The following PPAN variants were observed in gnomAD, a reference collection of about 807,000 sequenced individuals.
The protein encoded by PPAN is suppressor of SWI4 1 homolog.
Under a neutral mutation model 48.5 loss-of-function variants are expected in PPAN, and 39 were observed. The observed-to-expected ratio is 0.80, with a 90% confidence interval of 0.62 to 1.05. The LOEUF (loss-of-function observed/expected upper bound fraction) is 1.05. Among genes scored for constraint, PPAN ranks in the 50% least tolerant of loss-of-function variants. The pLI, the probability that PPAN is intolerant of heterozygous loss-of-function variation, is 0.00. For synonymous variants in PPAN, 315 were observed against 268.6 expected (o/e 1.17, Z -1.69); for missense variants, 736 against 661.7 (o/e 1.11, Z -1.23).
intron 2 of PPAN, among the ~76,000 whole-genome samples, chr19:10,107,299 A>G (rs772603772): frequency 1.3e-5 from 2 of 152,198 alleles, no homozygotes; most frequent in Non-Finnish European, 2.9e-5. Flanking sequence ...TCATTTGTCA[A>G]TGGGAAGATG....
Position 10,111,768 on chromosome 19 carries a change from TG to T in PPAN, c.*608del. 6.2e-7 allele frequency: 1 copy of T among 1,612,678 alleles called. No homozygotes were observed. Among genetic ancestry groups the T allele is most frequent in the Non-Finnish European group, 8.5e-7 (1 of 1,179,456 alleles). ...AAGGAGAAGGCATGTTGGCTGTCTC[TG>T]GGGGTCTGCAGATTGTCAGGAGGTG... is the stretch of plus-strand genomic sequence containing the variant. On this transcript the variant is annotated 3_prime_UTR_variant, in exon 12 of 12. Coordinates refer to ENST00000253107, the MANE Select transcript of PPAN (RefSeq NM_020230.7).
At chr19:10,109,565 A>G in intron 5 of PPAN, 66 bp from the exon 6 acceptor site, 1 of 1,515,520 alleles carries the variant, frequency 6.6e-7, no homozygotes, top group South Asian at 1.2e-5. Context: ...TGTATCCCCC[A>G]AAGCCCCCAC....
chr19:10,110,420 G>A lies in PPAN; in HGVS notation c.901+18G>A, dbSNP rs772125522. The A allele has an allele frequency of 2.4e-5, 38 of 1,612,270 alleles. No individual in the cohort carries two copies. The highest frequency in any genetic ancestry group is 1.6e-4 in the Middle Eastern group (1 of 6,084). On this transcript the variant is annotated intron_variant, in intron 9 of 11. Coordinates refer to ENST00000253107, the MANE Select transcript of PPAN (RefSeq NM_020230.7). The surrounding 1 kb of genome is among the most constrained non-coding windows in gnomAD (Gnocchi z 5.9). ...CAGTTTTGGTGAGGCCGGGGCCGCC[G>A]GGGGTGGGGGGTCATGGGTGTGGAG... is the stretch of plus-strand genomic sequence containing the variant.
Position 10,109,983 on chromosome 19 carries a change from A to T in PPAN, c.661A>T (p.Met221Leu), listed in dbSNP as rs759929102. 2 of 1,613,988 alleles carry T rather than the reference A, an allele frequency of 1.2e-6. No individual in the cohort carries two copies. The highest frequency in any genetic ancestry group is 1.7e-5 in the Admixed American group (1 of 60,028). ...GCTGCTCCAGGAGAAGTTCCCCAAC[A>T]TGAGCCGCCTGCAGGACATCAGCGA... ...KKLLQEKFPN[M>L]SRLQDISELL... is the part of the protein sequence containing the mutation. Residue 221 changes from methionine (M) to leucine (L), a missense_variant, in exon 7 of 12, where the codon ATG (methionine) becomes TTG (leucine). Coordinates refer to ENST00000253107, the MANE Select transcript of PPAN (RefSeq NM_020230.7).
chr19:10,109,457 C>T (rs1010320573), intron 5 of PPAN, among the ~76,000 whole-genome samples, 174 bp from the exon 6 acceptor site: 1 of 152,170 alleles, frequency 6.6e-6, no homozygotes, highest in Non-Finnish European at 1.5e-5. Flanking sequence ...CTCCTGGGCT[C>T]AGGCAGTCCC....
In PPAN at chr19:10,107,980, A is replaced by G. The variant is rs761452537; in HGVS notation, c.359A>G (p.Asp120Gly). ...GTCCTACAGTACTCGCTGGTGCGTG[A>G]TGTGGTCTCCTCACTGCGCCGGCAC... ...FQVKKYSLVRDVVSSLRRHRM... is the reference protein window; with the variant it reads ...FQVKKYSLVRGVVSSLRRHRM... The change falls in exon 5 of 12, where the codon GAT (aspartate) becomes GGT (glycine). Residue 120 changes from aspartate to glycine, a missense_variant. By Grantham distance (94) the Asp-to-Gly change is moderately conservative. Coordinates refer to ENST00000253107, the MANE Select transcript of PPAN (RefSeq NM_020230.7). 4 of 1,608,736 alleles carry G rather than the reference A, an allele frequency of 2.5e-6. No homozygotes were observed. Among genetic ancestry groups the G allele is most frequent in the Non-Finnish European group, 3.4e-6 (4 of 1,177,008 alleles).
rs756371495 is a variant in PPAN, at chr19:10,110,085, G to A, written c.699-38G>A. 2 of 1,609,646 alleles carry A rather than the reference G, an allele frequency of 1.2e-6. No individual in the cohort carries two copies. Among genetic ancestry groups the A allele is most frequent in the Admixed American group, 3.3e-5 (2 of 59,986 alleles). On this transcript the variant is annotated intron_variant, in intron 7 of 11. Transcript: ENST00000253107. The surrounding 1 kb of genome is among the most constrained non-coding windows in gnomAD (Gnocchi z 5.9). ...GACCCCAGAACAGGACCGGGAGCCT[G>A]AGCTCCCCCACTGAGCCCTGTTATG...
chr19:10,106,959 G>A (rs1311171870), intron 2 of PPAN: 5 of 636,358 alleles, frequency 7.9e-6, no homozygotes, highest in Non-Finnish European at 1.4e-5. Flanking sequence ...TGCTGATGCG[G>A]GAGGATCACT....
At chr19:10,109,538 A>G in intron 5 of PPAN, 93 bp from the exon 6 acceptor site, 1 of 1,374,490 alleles carries the variant, frequency 7.3e-7, no homozygotes, top group South Asian at 1.4e-5. Context: ...CCAGTGCCAC[A>G]GTCCACGAAC....
rs767403181 is a variant in PPAN at position 10,110,252 on chromosome 19, G to A, written c.822+6G>A. ...GTGCAGTGCGGCTCACCGAGGTGAG[G>A]CCCAGGGCAGGGGGACCCCCGGGCT... is the stretch of plus-strand genomic sequence containing the variant. On this transcript the variant is annotated splice_donor_region_variant and intron_variant, in intron 8 of 11. Coordinates refer to ENST00000253107, the MANE Select transcript of PPAN (RefSeq NM_020230.7). The surrounding 1 kb of genome is among the most constrained non-coding windows in gnomAD (Gnocchi z 5.9). The A allele has an allele frequency of 1.2e-6, 2 of 1,611,860 alleles. No homozygotes were observed. The highest frequency in any genetic ancestry group is 1.7e-6 in the Non-Finnish European group (2 of 1,179,602).
At position 10,111,103 on chromosome 19, in the gene PPAN, G is replaced by C; in HGVS notation, c.1360G>C (p.Gly454Arg). ...AGCCCAGGCCAGGCGGGGGCCCAGA[G>C]GGGCTTCCCGGGATGGTGGGCGAGG... ...QGAQARRGPR[G>R]ASRDGGRGRG... The change falls in exon 12 of 12, where the codon GGG becomes CGG. Residue 454 changes from glycine to arginine, a missense_variant. Physicochemically the swap from Gly to Arg is moderately radical, Grantham distance 125. Transcript: ENST00000253107. 1.2e-6 allele frequency: 2 copies of C among 1,612,468 alleles called. No individual in the cohort carries two copies. The highest frequency in any genetic ancestry group is 1.7e-6 in the Non-Finnish European group (2 of 1,179,546).
intron 6 of PPAN, 30 bp downstream of exon 6, chr19:10,109,737 G>A: frequency 6.2e-7 from 1 of 1,608,816 alleles, no homozygotes; most frequent in Non-Finnish European, 8.5e-7. Context: ...GGGAGACGAG[G>A]GGGTGCCGGG....
In PPAN at chr19:10,111,101, G is replaced by A. The variant is rs1374328724; in HGVS notation, c.1358G>A (p.Arg453Lys). The A allele has an allele frequency of 6.2e-7, 1 of 1,612,766 alleles. No homozygotes were observed. Among genetic ancestry groups the A allele is most frequent in the Admixed American group, 1.7e-5 (1 of 59,964 alleles). ...SQGAQARRGP[R>K]GASRDGGRGR... The stretch of plus-strand genomic sequence containing the variant: ...GGAGCCCAGGCCAGGCGGGGGCCCA[G>A]AGGGGCTTCCCGGGATGGTGGGCGA... Residue 453 changes from arginine (R) to lysine (K), a missense_variant, in exon 12 of 12, where the codon AGA becomes AAA. By Grantham distance (26) the Arg-to-Lys change is conservative. Coordinates refer to ENST00000253107, the MANE Select transcript of PPAN (RefSeq NM_020230.7).
intron 5 of PPAN, among the ~76,000 whole-genome samples, chr19:10,108,627 C>CT (rs1175212589): frequency 6.6e-6 from 1 of 151,932 alleles, no homozygotes; most frequent in African/African-American, 2.4e-5. Context: ...CGGTGCATGC[C>CT]TGTAGTACCA....
chr19:10,110,936 TC>T lies in PPAN; in HGVS notation c.1202-5del. On this transcript the variant is annotated splice_polypyrimidine_tract_variant and splice_region_variant and intron_variant, in intron 11 of 11. Transcript: ENST00000253107. The surrounding 1 kb of genome is among the most constrained non-coding windows in gnomAD (Gnocchi z 5.9). ...TCTCTGGGGGCCCTGACACTGTCTC[TC>T]CCCACAGACCTGTTCCCCGAGGCCA... 3.7e-6 allele frequency: 6 copies of T among 1,613,264 alleles called. No homozygotes were observed. Among genetic ancestry groups the T allele is most frequent in the Non-Finnish European group, 5.1e-6 (6 of 1,179,866 alleles).
intron 2 of PPAN, 110 bp downstream of exon 2, chr19:10,106,781 G>GA (rs1302370775): frequency 1.4e-6 from 2 of 1,416,942 alleles, no homozygotes; most frequent in Non-Finnish European, 1.9e-6. Context: ...TCCCCAGCTG[G>GA]AAAAAAAGAC....
Position 10,111,074 on chromosome 19 carries a change from A to C in PPAN, c.1331A>C (p.Gln444Pro). 1 of 1,613,438 alleles carries C rather than the reference A, an allele frequency of 6.2e-7. No individual in the cohort carries two copies. Among genetic ancestry groups the C allele is most frequent in the Non-Finnish European group, 8.5e-7 (1 of 1,179,936 alleles). ...TTTCCCAAGACCAAGGACAAGTCCC[A>C]GGGAGCCCAGGCCAGGCGGGGGCCC... ...QKFPKTKDKS[Q>P]GAQARRGPRG... Residue 444 changes from glutamine to proline, a missense_variant, in exon 12 of 12, where the codon CAG becomes CCG. Physicochemically the swap from Gln to Pro is moderately conservative, Grantham distance 76. Coordinates refer to ENST00000253107, the MANE Select transcript of PPAN (RefSeq NM_020230.7).
At position 10,106,544 on chromosome 19, in the gene PPAN, A is replaced by G; in HGVS notation, c.62A>G (p.Asn21Ser). ...KRARAQAQLR[N>S]LEAYAANPHS... ...GCCCGCGCCCAGGCGCAGCTCCGCA[A>G]CCTCGAGGCCTATGCCGCGAACCCG... The change falls in exon 2 of 12, where the codon AAC becomes AGC. Residue 21 changes from asparagine (N) to serine (S), a missense_variant. Coordinates refer to ENST00000253107, the MANE Select transcript of PPAN (RefSeq NM_020230.7). The G allele has an allele frequency of 1.9e-6, 3 of 1,553,914 alleles. No individual in the cohort carries two copies. The highest frequency in any genetic ancestry group is 1.7e-6 in the Non-Finnish European group (2 of 1,148,940).
At position 10,107,787 on chromosome 19, in the gene PPAN, C is replaced by G. The variant is rs369206325; in HGVS notation, c.292-17C>G. On this transcript the variant is annotated splice_polypyrimidine_tract_variant and intron_variant, in intron 3 of 11. Transcript: ENST00000253107. ...GCTAGACCCCTCCAGAGTCACTGAT[C>G]TTTTCTTCTCCTGCAGAAGCTGATG... is the stretch of plus-strand genomic sequence containing the variant. The G allele has an allele frequency of 5.0e-6, 8 of 1,613,528 alleles. No individual in the cohort carries two copies. The African/African-American group carries it at 9.3e-5, about 19-fold the overall frequency.
Sources: gnomAD v4.1 joint callset for allele counts (sites outside exome capture counted in the v4.1 genomes callset) on GRCh38, gnomAD v4.1.1 for gene constraint, Gnocchi (gnomAD v3.1) non-coding constraint, MANE v1.5 for transcripts, NCBI Gene and HGNC (gene_info 2026-07-23, HGNC 2026-07-21) for gene names.